The following ZFR variants were observed in gnomAD, a reference collection of about 807,000 sequenced individuals.
The protein encoded by ZFR is zinc finger RNA-binding protein.
A neutral mutation model predicts 130.7 loss-of-function variants in ZFR; 19 were observed. That is an observed-to-expected ratio of 0.15 (90% CI 0.10 to 0.21). The LOEUF is 0.21. ZFR is among the 10% of genes least tolerant of loss of function. The probability of loss-of-function intolerance (pLI) is 1.00; values close to 1 mark genes in which losing one functional copy is unlikely to be tolerated. For missense variants in ZFR, 872 were observed against 1,321.5 expected (o/e 0.66, Z 5.27); for synonymous variants, 466 against 456.9 (o/e 1.02, Z -0.25).
At chr5:32,382,783 T>C (rs781733482) in intron 15 of ZFR, among the ~76,000 whole-genome samples, 26 of 152,256 alleles carry the variant, frequency 1.7e-4, no homozygotes, top group Middle Eastern at 3.4e-3. Context: ...CTAATACCTA[T>C]TGCAATTTAA....
In ZFR at chr5:32,420,004, G is replaced by C. The variant is rs759532609; in HGVS notation, c.237C>G (p.Ala79=). Residue 79 remains alanine (A), a synonymous_variant, in exon 3 of 20, where the codon GCC becomes GCG. Transcript: ENST00000265069. ...APVAAHTVTA[A]YAPAAATVAV... ...CAACTGTGGCGGCTGCTGGTGCATAGGCAGCAGTAACTGTGTGAGCAGCTA... is the reference window on the plus strand; with the variant it reads ...CAACTGTGGCGGCTGCTGGTGCATACGCAGCAGTAACTGTGTGAGCAGCTA... The C allele has an allele frequency of 4.3e-6, 7 of 1,613,824 alleles. No homozygotes were observed. The highest frequency in any genetic ancestry group is 5.1e-6 in the Non-Finnish European group (6 of 1,180,028).
intron 17 of ZFR, among the ~76,000 whole-genome samples, chr5:32,370,126 C>T (rs899045726): frequency 2.8e-5 from 4 of 141,662 alleles, no homozygotes; most frequent in African/African-American, 5.3e-5. Context: ...TAGGGTCTCA[C>T]GATGTGCCCA....
intron 11 of ZFR, among the ~76,000 whole-genome samples, chr5:32,394,687 G>A (rs147442988): frequency 3.7e-4 from 56 of 152,166 alleles, no homozygotes; most frequent in African/African-American, 1.2e-3. Context: ...AAGTTTAGAA[G>A]ATATGTTATA....
intron 6 of ZFR, among the ~76,000 whole-genome samples, chr5:32,404,354 A>G (rs1753532863): frequency 6.6e-6 from 1 of 152,222 alleles, no homozygotes; most frequent in African/African-American, 2.4e-5. Context: ...AATGGCTTTC[A>G]GTTTTAAAAA....
chr5:32,379,381 G>C, intron 16 of ZFR, 171 bp from the exon 17 acceptor site: 1 of 662,460 alleles, frequency 1.5e-6, no homozygotes. Flanking sequence ...TTTTATGCCA[G>C]GGTTAGTATT....
At chr5:32,426,904 G>GAAAAAAAAAAAAAAAAAAAAAAA (rs373216038) in intron 2 of ZFR, among the ~76,000 whole-genome samples, 1 of 132,978 alleles carries the variant, frequency 7.5e-6, no homozygotes. Context: ...CACTCTTTCT[G>GAAAAAAAAAAAAAAAAAAAAAAA]AAAAAAAAAA....
intron 10 of ZFR, among the ~76,000 whole-genome samples, chr5:32,396,372 C>A (rs1289069513): frequency 6.6e-6 from 1 of 152,168 alleles, no homozygotes; most frequent in African/African-American, 2.4e-5. Context: ...CCCTTTTACA[C>A]TGTTTTAATT....
intron 7 of ZFR, 104 bp downstream of exon 7, chr5:32,403,802 C>T (rs894482695): frequency 1.8e-6 from 2 of 1,105,244 alleles, no homozygotes; most frequent in Non-Finnish European, 2.5e-6. Flanking sequence ...TTATAATGCA[C>T]TTAAAAGTTT....
chr5:32,360,797 G>C (rs999103202), intron 19 of ZFR, among the ~76,000 whole-genome samples: 3 of 151,966 alleles, frequency 2.0e-5, no homozygotes, highest in African/African-American at 7.3e-5. Context: ...TTGCTATGTT[G>C]CTCAAACTGG....
In ZFR at chr5:32,380,650, C is replaced by CT. The variant is rs55724344; in HGVS notation, c.2642-479dup. ...AATGAAGAACCCAAAACAGGCATTT[C>CT]TTTTTTTTTTTTTTTTTTTTTTGAG... On this transcript the variant is annotated intron_variant, in intron 15 of 19. Coordinates refer to ENST00000265069, the MANE Select transcript of ZFR (RefSeq NM_016107.5). Among the ~76,000 whole-genome samples, 186 of 97,028 alleles carry CT rather than the reference C, an allele frequency of 1.9e-3. 1 individual carries two copies. The highest frequency in any genetic ancestry group is 4.2e-3 in the African/African-American group (97 of 23,128). The allele number at this position is 97,028 out of a possible 152,430, so 63.7% of individuals were successfully genotyped here. A position where few individuals can be genotyped will look rare whatever the true frequency, so the allele number is the denominator to read the frequency against.
At chr5:32,407,618 A>T (rs1182603512) in intron 5 of ZFR, among the ~76,000 whole-genome samples, 1 of 152,064 alleles carries the variant, frequency 6.6e-6, no homozygotes, top group Non-Finnish European at 1.5e-5. Context: ...AATAAAGTTT[A>T]GCAGAAGTTT....
intron 10 of ZFR, among the ~76,000 whole-genome samples, 164 bp downstream of exon 10, chr5:32,397,055 C>G (rs1753330322): frequency 6.6e-6 from 1 of 152,060 alleles, no homozygotes; most frequent in Non-Finnish European, 1.5e-5. Flanking sequence ...AAATAAAAAC[C>G]AAACATCCAT....
chr5:32,385,766 T>C lies in ZFR; in HGVS notation c.2500-117A>G, dbSNP rs1283436616. The C allele has an allele frequency of 1.4e-5, 14 of 1,034,256 alleles. No individual in the cohort carries two copies. The Admixed American group carries it at 2.9e-4, about 22-fold the overall frequency. 64.1% of individuals were successfully genotyped at this position (1,034,256 alleles called of 1,614,324 possible). On this transcript the variant is annotated intron_variant, in intron 14 of 19. Transcript: ENST00000265069. ...CTAACCATTCTATATGAGGACCAGA[T>C]TATATACTGCTCCTTCTAGGAAGCC...
At chr5:32,361,718 A>C (rs1364029812) in intron 19 of ZFR, among the ~76,000 whole-genome samples, 1 of 148,540 alleles carries the variant, frequency 6.7e-6, no homozygotes, top group African/African-American at 2.5e-5. Context: ...TCCTGGGTTT[A>C]AGCGATTCTC....
Position 32,383,811 on chromosome 5 carries a change from T to C in ZFR, c.2641+1697A>G, listed in dbSNP as rs748421304. On this transcript the variant is annotated intron_variant, in intron 15 of 19. Coordinates refer to ENST00000265069, the MANE Select transcript of ZFR (RefSeq NM_016107.5). ...AATCTTCATAATGAAGCTAAAGACA[T>C]GGTTTACTGCAGTTATCTGCAGCAA... The C allele has an allele frequency of 2.4e-4, 111 of 456,560 alleles. 1 individual carries two copies. Among genetic ancestry groups the C allele is most frequent in the Admixed American group, 7.1e-5 (3 of 42,552 alleles). 28.3% of individuals were successfully genotyped at this position (456,560 alleles called of 1,614,324 possible).
chr5:32,403,442 T>C (rs1181012480), intron 7 of ZFR, 45 bp from the exon 8 acceptor site: 6 of 1,577,704 alleles, frequency 3.8e-6, no homozygotes, highest in East Asian at 2.2e-5. Context: ...CTCAAATAGA[T>C]TTTGAAAAGT....
chr5:32,384,359 A>G (rs1015082368), intron 15 of ZFR, among the ~76,000 whole-genome samples: 3 of 152,218 alleles, frequency 2.0e-5, no homozygotes, highest in African/African-American at 7.2e-5. Context: ...AAAGCTTAAG[A>G]TATAAATATC....
intron 2 of ZFR, among the ~76,000 whole-genome samples, chr5:32,430,114 C>A (rs1754170889): frequency 7.0e-6 from 1 of 142,378 alleles, no homozygotes; most frequent in African/African-American, 2.6e-5. Flanking sequence ...ACGATAAAAC[C>A]CAAGGGAAAT....
At position 32,403,193 on chromosome 5, in the gene ZFR, G is replaced by A. The variant is rs766543632; in HGVS notation, c.1429C>T (p.Leu477Phe). ...KGLTTTGNSS[L>F]NSTSNTKVSA... ...ACTTTAGTGTTAGATGTGCTATTAA[G>A]AGACGAGTTTCCTGTAGTCGTAAGA... is the stretch of plus-strand genomic sequence containing the variant. Residue 477 changes from leucine to phenylalanine, a missense_variant, in exon 8 of 20, where the codon CTT (leucine) becomes TTT (phenylalanine). Leu to Phe is a conservative substitution (Grantham distance 22). Transcript: ENST00000265069. 1.2e-6 allele frequency: 2 copies of A among 1,614,182 alleles called. No homozygotes were observed. Among genetic ancestry groups the A allele is most frequent in the Admixed American group, 3.3e-5 (2 of 60,022 alleles).
Sources: gnomAD v4.1 joint callset for allele counts (sites outside exome capture counted in the v4.1 genomes callset) on GRCh38, gnomAD v4.1.1 for gene constraint, MANE v1.5 for transcripts, NCBI Gene and HGNC (gene_info 2026-07-23, HGNC 2026-07-21) for gene names.